FIRRM: variants seen among roughly 807,000 people sequenced by gnomAD.
FIRRM encodes FIGNL1-interacting regulator of recombination and mitosis.
chr1:169,799,066 C>T, the FIRRM span: 1 of 429,388 alleles, frequency 2.3e-6, no homozygotes, highest in Non-Finnish European at 4.2e-6. Context: ...TGAAATGTAA[C>T]TGTTCTCTAT....
At chr1:169,788,931 GCTAT>G in the FIRRM span, among the ~76,000 whole-genome samples, 4 of 152,100 alleles carry the variant, frequency 2.6e-5, no homozygotes, top group East Asian at 7.7e-4. Context: ...CCTTTTAAGG[GCTAT>G]CTGAATTTTA....
chr1:169,832,288 A>G, the FIRRM span: 1 of 578,394 alleles, frequency 1.7e-6, no homozygotes, highest in African/African-American at 1.9e-5. Context: ...CCCAAATTAA[A>G]AGTCAATATT....
At chr1:169,835,721 C>G in the FIRRM span, among the ~76,000 whole-genome samples, 2 of 152,048 alleles carry the variant, frequency 1.3e-5, no homozygotes, top group Non-Finnish European at 2.9e-5. Context: ...TTATGTTGTC[C>G]AGGACATTAT....
chr1:169,795,035 G>A, the FIRRM span: 2 of 1,266,232 alleles, frequency 1.6e-6, no homozygotes, highest in Non-Finnish European at 2.2e-6. Flanking sequence ...GCAAGGGTTG[G>A]CGGGACTGCG....
chr1:169,838,716 C>G, the FIRRM span, among the ~76,000 whole-genome samples: 1 of 152,136 alleles, frequency 6.6e-6, no homozygotes, highest in African/African-American at 2.4e-5. Flanking sequence ...TCTCGAACTC[C>G]TGACCTCAGG....
chr1:169,850,137 C>T, the FIRRM span: 2 of 622,432 alleles, frequency 3.2e-6, no homozygotes, highest in Admixed American at 2.9e-5. Flanking sequence ...AGTTTATCAC[C>T]TTTGAGGATC....
At chr1:169,844,088 T>C in the FIRRM span, among the ~76,000 whole-genome samples, 1 of 152,244 alleles carries the variant, frequency 6.6e-6, no homozygotes, top group Admixed American at 6.5e-5. Flanking sequence ...CCTGCATTCA[T>C]AGCAGTTTCA....
chr1:169,812,880 A>G, the FIRRM span, among the ~76,000 whole-genome samples: 3 of 151,956 alleles, frequency 2.0e-5, no homozygotes, highest in Non-Finnish European at 4.4e-5. Context: ...ATGATCAAAG[A>G]AAGGTGAATT....
the FIRRM span, chr1:169,827,815 A>C: frequency 6.2e-7 from 1 of 1,614,044 alleles, no homozygotes; most frequent in African/African-American, 1.3e-5. Flanking sequence ...GTGCACAGAC[A>C]GCCAGGTCTC....
the FIRRM span, chr1:169,853,225 T>G: frequency 5.7e-6 from 3 of 527,766 alleles, no homozygotes; most frequent in Non-Finnish European, 1.0e-5. Context: ...TTTACTCAGA[T>G]AGTCTAACTG....
the FIRRM span, chr1:169,850,571 G>A: frequency 2.5e-6 from 1 of 393,124 alleles, no homozygotes. Context: ...GCCAAGGTGG[G>A]TGGATCATGA....
the FIRRM span, among the ~76,000 whole-genome samples, chr1:169,813,860 C>T: frequency 3.9e-5 from 6 of 152,214 alleles, no homozygotes; most frequent in Admixed American, 6.5e-5. Flanking sequence ...AACTGGTTTC[C>T]GGTTACAGCA....
At chr1:169,805,868 C>A in the FIRRM span, 2 of 629,660 alleles carry the variant, frequency 3.2e-6, no homozygotes, top group African/African-American at 1.9e-5. Context: ...TCTTTTGACA[C>A]AACTGTTTCC....
At chr1:169,850,486 C>T in the FIRRM span, 1 of 593,180 alleles carries the variant, frequency 1.7e-6, no homozygotes, top group Non-Finnish European at 3.0e-6. Context: ...TTTTACTAAG[C>T]AATTGAGGCC....
At chr1:169,806,392 A>G in the FIRRM span, among the ~76,000 whole-genome samples, 1 of 152,270 alleles carries the variant, frequency 6.6e-6, no homozygotes, top group Non-Finnish European at 1.5e-5. Context: ...TTAACCAGCT[A>G]TCAAGTATCC....
chr1:169,853,534 T>TTTTAGCCAGCA, the FIRRM span: 1 of 640,162 alleles, frequency 1.6e-6, no homozygotes, highest in Non-Finnish European at 2.7e-6. Context: ...CACCCAGGGC[T>TTTTAGCCAGCA]TTTAGCCAGC....
the FIRRM span, chr1:169,847,784 T>C: frequency 6.2e-7 from 1 of 1,606,162 alleles, no homozygotes; most frequent in Non-Finnish European, 8.5e-7. Context: ...GGAAAACTTT[T>C]TATACCTGAA....
At chr1:169,802,723 C>T in the FIRRM span, 3 of 1,588,688 alleles carry the variant, frequency 1.9e-6, no homozygotes, top group South Asian at 1.1e-5. Flanking sequence ...GAATATTTTA[C>T]AAGTAAGTCA....
At chr1:169,827,839 A>G in the FIRRM span, 4 of 1,613,788 alleles carry the variant, frequency 2.5e-6, no homozygotes, top group Non-Finnish European at 3.4e-6. Flanking sequence ...AACGACAACC[A>G]GGTAGCAAAC....
Sources: gnomAD v4.1 joint callset for allele counts (sites outside exome capture counted in the v4.1 genomes callset) on GRCh38, gnomAD v4.1.1 for gene constraint, MANE v1.5 for transcripts, NCBI Gene and HGNC (gene_info 2026-07-23, HGNC 2026-07-21) for gene names.